ROBO1: variants seen among roughly 807,000 people sequenced by gnomAD.
ROBO1 encodes roundabout homolog 1.
In ROBO1, 149 loss-of-function variants were observed where a neutral mutation model predicts 195.9. The ratio of observed to expected loss-of-function variants is 0.76; its 90% CI spans 0.67 to 0.87. ROBO1 has a LOEUF of 0.87. Among genes scored for constraint, ROBO1 ranks in the 40% least tolerant of loss-of-function variants. The pLI is 0.00. For missense variants in ROBO1, 1,933 were observed against 2,068.3 expected, an observed-to-expected ratio of 0.93 and a Z score of 1.27; for synonymous variants, 816 against 733.2, an observed-to-expected ratio of 1.11 and a Z score of -1.82.
At chr3:79,685,740 G>T (rs1947085888) in intron 1 of ROBO1, among the ~76,000 whole-genome samples, 1 of 151,896 alleles carries the variant, frequency 6.6e-6, no homozygotes, top group Admixed American at 6.6e-5. Flanking sequence ...ATGGAAATAA[G>T]GCTACAAAAG....
At chr3:78,761,660 T>C (rs767714772) in intron 4 of ROBO1, among the ~76,000 whole-genome samples, 2 of 152,160 alleles carry the variant, frequency 1.3e-5, no homozygotes, top group African/African-American at 4.8e-5. Flanking sequence ...TCTTTAAGCA[T>C]TGCAATAAAA....
At chr3:79,393,961 G>T (rs147258389) in intron 2 of ROBO1, among the ~76,000 whole-genome samples, 1 of 152,014 alleles carries the variant, frequency 6.6e-6, no homozygotes, top group African/African-American at 2.4e-5. Flanking sequence ...GTATAAAACC[G>T]AGTGCTCCAG....
intron 3 of ROBO1, among the ~76,000 whole-genome samples, chr3:79,104,529 GA>G (rs1019237413): frequency 3.3e-5 from 5 of 151,564 alleles, no homozygotes; most frequent in African/African-American, 1.2e-4. Context: ...AGCACCTTCT[GA>G]TTTTTTTTAT....
intron 1 of ROBO1, among the ~76,000 whole-genome samples, chr3:79,674,164 G>A (rs574115496): frequency 3.8e-4 from 58 of 152,112 alleles, no homozygotes; most frequent in African/African-American, 1.4e-3. Context: ...ATGATATTCA[G>A]ATTAACAAAG....
chr3:78,838,793 C>A (rs1431171448), intron 4 of ROBO1, among the ~76,000 whole-genome samples: 1 of 152,128 alleles, frequency 6.6e-6, no homozygotes, highest in Non-Finnish European at 1.5e-5. Flanking sequence ...ATTTTCAGTT[C>A]TTCCACTTAG....
At chr3:78,963,034 T>A (rs1278383092) in intron 3 of ROBO1, among the ~76,000 whole-genome samples, 1 of 151,420 alleles carries the variant, frequency 6.6e-6, no homozygotes, top group Non-Finnish European at 1.5e-5. Context: ...GAGCATGGAG[T>A]ATCTTAGTAT....
At chr3:79,644,275 C>A (rs1346980442) in intron 1 of ROBO1, among the ~76,000 whole-genome samples, 3 of 152,022 alleles carry the variant, frequency 2.0e-5, no homozygotes, top group African/African-American at 7.2e-5. Flanking sequence ...TTTCAACATT[C>A]CTCTCTCAGT....
intron 2 of ROBO1, among the ~76,000 whole-genome samples, chr3:79,371,705 C>T (rs2036200487): frequency 1.3e-5 from 2 of 152,134 alleles, no homozygotes; most frequent in African/African-American, 2.4e-5. Flanking sequence ...TGTTAATGGA[C>T]TGAATATTTG....
chr3:78,886,425 C>A (rs1454042930), intron 4 of ROBO1, among the ~76,000 whole-genome samples: 1 of 152,030 alleles, frequency 6.6e-6, no homozygotes, highest in Non-Finnish European at 1.5e-5. Flanking sequence ...TGAAACCCAT[C>A]TCTACTAAAA....
chr3:79,619,126 C>G (rs1325637754), intron 1 of ROBO1, among the ~76,000 whole-genome samples: 3 of 152,136 alleles, frequency 2.0e-5, no homozygotes. Flanking sequence ...CCTCATCATT[C>G]ACCCACATTC....
chr3:78,742,611 C>T (rs1158837504), intron 5 of ROBO1, among the ~76,000 whole-genome samples: 1 of 152,128 alleles, frequency 6.6e-6, no homozygotes, highest in Admixed American at 6.5e-5. Flanking sequence ...ATCAGTTCCA[C>T]AGTCATAATT....
intron 4 of ROBO1, among the ~76,000 whole-genome samples, chr3:78,883,103 G>A (rs528433191): frequency 4.1e-4 from 63 of 152,236 alleles, no homozygotes; most frequent in African/African-American, 1.4e-3. Flanking sequence ...ATAAGCCACT[G>A]TGCTGGGCCA....
chr3:78,640,016 C>T, intron 21 of ROBO1, 118 bp from the exon 22 acceptor site: 3 of 845,758 alleles, frequency 3.5e-6, no homozygotes, highest in Non-Finnish European at 5.2e-6. Flanking sequence ...ATGAACTATG[C>T]TGAATGACAT....
chr3:78,902,574 T>G (rs2037651710), intron 4 of ROBO1, among the ~76,000 whole-genome samples: 1 of 152,186 alleles, frequency 6.6e-6, no homozygotes, highest in Middle Eastern at 3.4e-3. Flanking sequence ...ATAGGCTGGG[T>G]GCAGTGGCTC....
intron 2 of ROBO1, among the ~76,000 whole-genome samples, chr3:79,431,580 A>G (rs774435684): frequency 2.0e-5 from 3 of 152,168 alleles, no homozygotes; most frequent in Non-Finnish European, 2.9e-5. Context: ...AGACAAAAAC[A>G]TGGTACAGAA....
intron 4 of ROBO1, among the ~76,000 whole-genome samples, chr3:78,903,059 A>G (rs1442516317): frequency 6.6e-6 from 1 of 152,188 alleles, no homozygotes. Flanking sequence ...TCTCATAGGA[A>G]GAGGCAACCA....
intron 2 of ROBO1, among the ~76,000 whole-genome samples, chr3:79,457,923 G>A (rs1481705682): frequency 1.3e-5 from 2 of 152,160 alleles, no homozygotes; most frequent in Non-Finnish European, 2.9e-5. Flanking sequence ...AGATGGAGGT[G>A]AAGGTCAGCT....
intron 4 of ROBO1, among the ~76,000 whole-genome samples, chr3:78,807,435 A>C (rs186337606): frequency 1.8e-4 from 28 of 152,312 alleles, no homozygotes; most frequent in African/African-American, 6.0e-4. Flanking sequence ...GAGAAAAAAA[A>C]ATTCCATAGG....
At chr3:79,432,992 G>A (rs2038739136) in intron 2 of ROBO1, among the ~76,000 whole-genome samples, 1 of 152,124 alleles carries the variant, frequency 6.6e-6, no homozygotes, top group South Asian at 2.1e-4. Flanking sequence ...TTTTTAAAAT[G>A]TCATTTTAGA....
Sources: allele counts gnomAD v4.1 joint callset (sites outside exome capture counted in the v4.1 genomes callset), GRCh38; gene constraint gnomAD v4.1.1; transcripts MANE v1.5; gene names NCBI Gene and HGNC (gene_info 2026-07-23, HGNC 2026-07-21).